The following CHL1 variants were observed in gnomAD, a reference collection of about 807,000 sequenced individuals.
The protein encoded by CHL1 is neural cell adhesion molecule L1-like protein.
Under a neutral mutation model 141.9 loss-of-function variants are expected in CHL1, and 96 were observed. The ratio of observed to expected loss-of-function variants is 0.68; its 90% confidence interval spans 0.57 to 0.80. The LOEUF (loss-of-function observed/expected upper bound fraction) is 0.80, where lower values mean the gene tolerates loss of function less well. Among genes scored for constraint, CHL1 ranks in the 30% least tolerant of loss-of-function variants. CHL1 has a pLI of 0.00. For synonymous variants in CHL1, 613 were observed against 502.2 expected (o/e 1.22, Z -2.95); for missense variants, 1,820 against 1,457.2 (o/e 1.25, Z -4.05).
chr3:326,142 G>A (rs13073026), intron 4 of CHL1, 78 bp downstream of exon 4: 2 of 834,270 alleles, frequency 2.4e-6, no homozygotes, highest in East Asian at 2.8e-5. Flanking sequence ...ACCATCACAA[G>A]CCTGTTGGAC....
chr3:219,211 G>C (rs1193233588), intron 1 of CHL1, among the ~76,000 whole-genome samples: 2 of 151,934 alleles, frequency 1.3e-5, no homozygotes, highest in Non-Finnish European at 2.9e-5. Context: ...GGAAGAGAAA[G>C]TACACTGTTA....
chr3:262,904 G>C (rs963917245), intron 2 of CHL1, among the ~76,000 whole-genome samples: 4 of 152,178 alleles, frequency 2.6e-5, no homozygotes, highest in African/African-American at 9.7e-5. Flanking sequence ...TAGGGTTTCT[G>C]GAGTTTCCTT....
chr3:238,512 C>G (rs564077482), intron 1 of CHL1, among the ~76,000 whole-genome samples: 6 of 152,006 alleles, frequency 3.9e-5, no homozygotes, highest in Non-Finnish European at 7.4e-5. Flanking sequence ...ATTAAGCAAC[C>G]AATATTTGGC....
At chr3:265,076 T>C (rs1695040105) in intron 2 of CHL1, among the ~76,000 whole-genome samples, 1 of 152,258 alleles carries the variant, frequency 6.6e-6, no homozygotes. Context: ...AACCATTTAC[T>C]AGGCTTATTG....
chr3:318,206 T>G (rs563869209), intron 2 of CHL1, among the ~76,000 whole-genome samples: 4 of 152,038 alleles, frequency 2.6e-5, no homozygotes, highest in South Asian at 4.1e-4. Flanking sequence ...CAGCCATTAG[T>G]TACTACTTTA....
Position 385,544 on chromosome 3 carries a change from C to T in CHL1, c.2247+1658C>T, listed in dbSNP as rs1055773495. ...GAATGGGACTGTACTAAGAAAGCAT[C>T]TATGGCCAGGTGCTGTGGCTCATGC... On this transcript the variant is annotated intron_variant, in intron 19 of 27. Transcript: ENST00000256509. Among the ~76,000 whole-genome samples the T allele has an allele frequency of 1.1e-4, 17 of 152,246 alleles. 1 individual carries two copies. The highest frequency in any genetic ancestry group is 9.8e-4 in the Admixed American group (15 of 15,284).
chr3:336,249 A>C (rs756659743), intron 5 of CHL1, among the ~76,000 whole-genome samples: 3 of 152,186 alleles, frequency 2.0e-5, no homozygotes, highest in Non-Finnish European at 4.4e-5. Flanking sequence ...TTGATACTAG[A>C]TTACAGTATC....
At chr3:337,366 T>G (rs1231159659) in intron 5 of CHL1, among the ~76,000 whole-genome samples, 2 of 37,872 alleles carry the variant, frequency 5.3e-5, no homozygotes, top group Non-Finnish European at 1.0e-4. Context: ...AATTTTTTTA[T>G]ATATATTTTT....
chr3:305,996 G>A (rs1053332476), intron 2 of CHL1, among the ~76,000 whole-genome samples: 1 of 152,088 alleles, frequency 6.6e-6, no homozygotes, highest in Non-Finnish European at 1.5e-5. Flanking sequence ...ATTATATCCA[G>A]AAAATTGAAT....
At chr3:216,744 A>G (rs1700357494) in intron 1 of CHL1, among the ~76,000 whole-genome samples, 1 of 152,236 alleles carries the variant, frequency 6.6e-6, no homozygotes, top group African/African-American at 2.4e-5. Context: ...AATATGGCCA[A>G]TCACAACAGA....
At chr3:308,219 T>C (rs188156796) in intron 2 of CHL1, among the ~76,000 whole-genome samples, 8 of 152,364 alleles carry the variant, frequency 5.3e-5, no homozygotes, top group Admixed American at 3.3e-4. Flanking sequence ...ATGCAGATTA[T>C]ATTCTTTTGT....
chr3:207,678 A>G (rs1372051162), intron 1 of CHL1, among the ~76,000 whole-genome samples: 1 of 152,224 alleles, frequency 6.6e-6, no homozygotes, highest in African/African-American at 2.4e-5. Flanking sequence ...ACTATTTTCC[A>G]TAAAGAAGAT....
At chr3:352,793 C>A (rs558789701) in intron 10 of CHL1, among the ~76,000 whole-genome samples, 1 of 152,264 alleles carries the variant, frequency 6.6e-6, no homozygotes, top group East Asian at 1.9e-4. Flanking sequence ...AGTGAGGAAG[C>A]CTAGTGAATG....
intron 6 of CHL1, 125 bp from the exon 7 acceptor site, chr3:341,787 T>G: frequency 1.3e-6 from 1 of 773,192 alleles, no homozygotes; most frequent in Non-Finnish European, 2.0e-6. Context: ...AGACCAGACT[T>G]GAGAGGAATT....
At chr3:321,473 G>C (rs1378028365) in intron 3 of CHL1, among the ~76,000 whole-genome samples, 2 of 152,046 alleles carry the variant, frequency 1.3e-5, no homozygotes, top group East Asian at 1.9e-4. Flanking sequence ...AGCAAGTTAA[G>C]AGCAAGCTTC....
chr3:216,903 GTTC>G (rs1700369905), intron 1 of CHL1, among the ~76,000 whole-genome samples: 1 of 152,158 alleles, frequency 6.6e-6, no homozygotes, highest in Non-Finnish European at 1.5e-5. Context: ...AAATCATGTG[GTTC>G]TTCTTTGTCA....
intron 1 of CHL1, among the ~76,000 whole-genome samples, chr3:201,821 G>A (rs1698972665): frequency 6.6e-6 from 1 of 152,082 alleles, no homozygotes; most frequent in Non-Finnish European, 1.5e-5. Flanking sequence ...AGTTGTGGAG[G>A]TAGGAGCTCT....
chr3:388,581 A>T (rs1046140633), intron 19 of CHL1, among the ~76,000 whole-genome samples: 1 of 152,104 alleles, frequency 6.6e-6, no homozygotes, highest in Admixed American at 6.6e-5. Context: ...ACGAAAAAAA[A>T]AGTTATTCCT....
At chr3:375,306 C>T (rs1372096030) in intron 15 of CHL1, among the ~76,000 whole-genome samples, 1 of 151,846 alleles carries the variant, frequency 6.6e-6, no homozygotes, top group South Asian at 2.1e-4. Flanking sequence ...GGGACCTAGT[C>T]CTGTGGGAGA....
Sources: gnomAD v4.1 joint callset for allele counts (sites outside exome capture counted in the v4.1 genomes callset) on GRCh38, gnomAD v4.1.1 for gene constraint, MANE v1.5 for transcripts, NCBI Gene and HGNC (gene_info 2026-07-23, HGNC 2026-07-21) for gene names.